RBM39: variants seen among roughly 807,000 people sequenced by gnomAD.
RBM39 encodes RNA binding motif protein 39.
In RBM39, 12 loss-of-function variants were observed where a neutral mutation model predicts 79.6. The observed-to-expected ratio is 0.15, with a 90% confidence interval of 0.10 to 0.24. The LOEUF is 0.24. Among genes scored for constraint, RBM39 ranks in the 10% least tolerant of loss-of-function variants. The probability of loss-of-function intolerance (pLI) is 1.00; values close to 1 mark genes in which losing one functional copy is unlikely to be tolerated. For missense variants in RBM39, 243 were observed against 653.4 expected (o/e 0.37, Z 6.85); for synonymous variants, 185 against 208.4 (o/e 0.89, Z 0.97).
At chr20:35,739,204 T>C in intron 2 of RBM39, 187 bp from the exon 3 acceptor site, 1 of 632,418 alleles carries the variant, frequency 1.6e-6, no homozygotes, top group Non-Finnish European at 2.8e-6. Flanking sequence ...GTTGCTTACA[T>C]TTAAGTCATC....
intron 6 of RBM39, among the ~76,000 whole-genome samples, chr20:35,727,202 T>A (rs2038817433): frequency 6.6e-6 from 1 of 151,654 alleles, no homozygotes; most frequent in African/African-American, 2.4e-5. Context: ...ATAGAAAAAT[T>A]AGCAGGGCAT....
intron 6 of RBM39, among the ~76,000 whole-genome samples, chr20:35,725,588 AT>A (rs2038549535): frequency 2.0e-5 from 3 of 151,568 alleles, no homozygotes; most frequent in Admixed American, 2.0e-4. Flanking sequence ...GCCTAAAATA[AT>A]TCTCAAACAT....
intron 6 of RBM39, among the ~76,000 whole-genome samples, chr20:35,726,895 G>C (rs1175964860): frequency 6.6e-6 from 1 of 151,954 alleles, no homozygotes; most frequent in African/African-American, 2.4e-5. Context: ...GTGTGATCTT[G>C]GCTCATCACA....
intron 7 of RBM39, 90 bp downstream of exon 7, chr20:35,724,948 C>T: frequency 9.5e-7 from 1 of 1,054,168 alleles, no homozygotes; most frequent in Non-Finnish European, 1.4e-6. Flanking sequence ...CAAACAAATA[C>T]TGCTACTAAA....
intron 13 of RBM39, chr20:35,709,013 T>A: frequency 7.4e-5 from 31 of 416,962 alleles, no homozygotes; most frequent in East Asian, 1.9e-4. Flanking sequence ...AAAAAAAAAA[T>A]TGTTATTTTG....
chr20:35,719,872 AC>A (rs1350506129), intron 9 of RBM39, among the ~76,000 whole-genome samples: 1 of 151,550 alleles, frequency 6.6e-6, no homozygotes, highest in Non-Finnish European at 1.5e-5. Context: ...AATCTCTGCC[AC>A]CCGGGTTCAA....
intron 6 of RBM39, 61 bp from the exon 7 acceptor site, chr20:35,725,216 T>A (rs2038506356): frequency 2.5e-6 from 3 of 1,187,216 alleles, no homozygotes; most frequent in Non-Finnish European, 3.6e-6. Context: ...ATTTTTATCT[T>A]TTTTATTTCT....
At chr20:35,705,086 T>C (rs1255168042) in intron 15 of RBM39, 139 bp downstream of exon 15, 1 of 646,768 alleles carries the variant, frequency 1.5e-6, no homozygotes, top group East Asian at 2.9e-5. Flanking sequence ...ATTTAGCCAC[T>C]ATATTAAAGC....
chr20:35,707,167 T>G lies in RBM39; in HGVS notation c.1260A>C (p.Pro420=). ...SALAAAASVQ[P]LATQCFQLSN... is the part of the protein sequence containing the mutation. ...AGAGTTGGAAACATTGTGTTGCAAG[T>G]GGCTGAACAGAGGCAGCTGCAGCTA... Residue 420 remains proline, a synonymous_variant, in exon 14 of 17, where the codon CCA becomes CCC. Transcript: ENST00000253363. 1 of 1,609,570 alleles carries G rather than the reference T, an allele frequency of 6.2e-7. No homozygotes were observed. Among genetic ancestry groups the G allele is most frequent in the Non-Finnish European group, 8.5e-7 (1 of 1,177,158 alleles).
chr20:35,734,106 A>T (rs778919266), intron 3 of RBM39: 5 of 651,910 alleles, frequency 7.7e-6, no homozygotes, highest in Non-Finnish European at 1.1e-5. Context: ...ATATCACAAG[A>T]GCAACTGAGG....
intron 8 of RBM39, among the ~76,000 whole-genome samples, chr20:35,723,164 C>A (rs187650745): frequency 3.3e-5 from 5 of 151,028 alleles, no homozygotes; most frequent in Middle Eastern, 3.4e-3. Context: ...TATGCCATAA[C>A]ATAAAACTGT....
At chr20:35,717,204 C>T (rs1474055829) in intron 9 of RBM39, among the ~76,000 whole-genome samples, 1 of 151,436 alleles carries the variant, frequency 6.6e-6, no homozygotes, top group East Asian at 1.9e-4. Context: ...TGCTTGAACC[C>T]GGGAGGCAGA....
chr20:35,707,395 A>T, intron 13 of RBM39, 194 bp from the exon 14 acceptor site: 1 of 380,818 alleles, frequency 2.6e-6, no homozygotes, highest in South Asian at 4.8e-5. Context: ...GAGGTAACCT[A>T]ATACTTGAAA....
At chr20:35,736,524 G>A (rs1422496448) in intron 3 of RBM39, 1 of 469,368 alleles carries the variant, frequency 2.1e-6, no homozygotes, top group Admixed American at 2.4e-5. Context: ...TAACACAGTT[G>A]TAGTGAGAAA....
intron 6 of RBM39, among the ~76,000 whole-genome samples, chr20:35,728,368 T>C (rs1335537329): frequency 6.6e-6 from 1 of 152,230 alleles, no homozygotes; most frequent in African/African-American, 2.4e-5. Context: ...ATCATTACAC[T>C]GTATACATGT....
chr20:35,725,431 C>T (rs910838923), intron 6 of RBM39, among the ~76,000 whole-genome samples: 2 of 152,120 alleles, frequency 1.3e-5, no homozygotes, highest in Admixed American at 6.6e-5. Flanking sequence ...AACTACTGAT[C>T]TCAAGCAATC....
chr20:35,709,847 C>T (rs1022597522), intron 12 of RBM39, among the ~76,000 whole-genome samples: 1 of 152,024 alleles, frequency 6.6e-6, no homozygotes, highest in Admixed American at 6.6e-5. Context: ...AAATCTAGCC[C>T]ATAATGGGGC....
chr20:35,716,619 T>C, intron 10 of RBM39, 121 bp downstream of exon 10: 1 of 702,228 alleles, frequency 1.4e-6, no homozygotes, highest in Non-Finnish European at 2.5e-6. Flanking sequence ...ATCCCAGCAG[T>C]TTGGAAGGCT....
At position 35,714,405 on chromosome 20, in the gene RBM39, G is replaced by A; in HGVS notation, c.892-16C>T. 1 of 1,611,362 alleles carries A rather than the reference G, an allele frequency of 6.2e-7. No homozygotes were observed. Among genetic ancestry groups the A allele is most frequent in the Non-Finnish European group, 8.5e-7 (1 of 1,178,238 alleles). ...AGTCAGAAAACTACATGATAGGGGA[G>A]GCAAGGACAGGAGACAGTGCTTTAA... is the stretch of plus-strand genomic sequence containing the variant. On this transcript the variant is annotated splice_polypyrimidine_tract_variant and intron_variant, in intron 10 of 16. Transcript: ENST00000253363.
Sources: allele counts gnomAD v4.1 joint callset (sites outside exome capture counted in the v4.1 genomes callset), GRCh38; gene constraint gnomAD v4.1.1; transcripts MANE v1.5; gene names NCBI Gene and HGNC (gene_info 2026-07-23, HGNC 2026-07-21).